Variants in SHB observed in about 807,000 individuals in gnomAD.
SHB encodes SH2 domain containing adaptor protein B.
In SHB, 20 loss-of-function variants were observed where a neutral mutation model predicts 52.3. The ratio of observed to expected loss-of-function variants is 0.38; its 90% confidence interval spans 0.27 to 0.56. SHB has a LOEUF of 0.56. Ranked by LOEUF, SHB falls within the 20% of genes least tolerant of loss-of-function variation. The pLI, the probability that SHB is intolerant of heterozygous loss-of-function variation, is 0.71. For missense variants in SHB, 825 were observed against 723.3 expected (o/e 1.14, Z -1.61); for synonymous variants, 397 against 316.5 (o/e 1.25, Z -2.70).
Position 37,917,666 on chromosome 9 carries a change from C to T in SHB, c.*2155G>A, listed in dbSNP as rs1279426869. Among the ~76,000 whole-genome samples, 1 of 152,248 alleles carries T rather than the reference C, an allele frequency of 6.6e-6. No homozygotes were observed. Among genetic ancestry groups the T allele is most frequent in the Non-Finnish European group, 1.5e-5 (1 of 68,042 alleles). On this transcript the variant is annotated 3_prime_UTR_variant, in exon 6 of 6. Coordinates refer to ENST00000377707, the MANE Select transcript of SHB (RefSeq NM_003028.3). The stretch of plus-strand genomic sequence containing the variant: ...AGTGCCAACTCCTCACTCATCTTGT[C>T]ATTTCCCACCTACCTTCCCACTCCC...
At chr9:37,955,416 C>T (rs1832617113) in intron 4 of SHB, among the ~76,000 whole-genome samples, 1 of 152,096 alleles carries the variant, frequency 6.6e-6, no homozygotes. Flanking sequence ...CATGTATACA[C>T]AGAGGGGGAG....
chr9:38,003,692 C>T (rs565192804), intron 2 of SHB, among the ~76,000 whole-genome samples: 7 of 152,342 alleles, frequency 4.6e-5, no homozygotes, highest in Non-Finnish European at 2.9e-5. Context: ...TCTTACATAG[C>T]TCTGACACTG....
intron 4 of SHB, among the ~76,000 whole-genome samples, chr9:37,953,021 C>A (rs1394097448): frequency 6.6e-6 from 1 of 151,880 alleles, no homozygotes; most frequent in Admixed American, 6.6e-5. Context: ...GGAGACTGAG[C>A]CCTGGAAAGT....
At position 38,015,088 on chromosome 9, in the gene SHB, A is replaced by C. The variant is rs187968424; in HGVS notation, c.838+923T>G. Among the ~76,000 whole-genome samples the C allele has an allele frequency of 1.5e-3, 233 of 152,244 alleles. 4 individuals carry two copies. Among genetic ancestry groups the C allele is most frequent in the Admixed American group, 0.014 (217 of 15,308 alleles). Reference sequence around the variant, plus strand: ...GCCTCCAAAGCCCAGGCAGCCCCAAACTTGCTCCCAGCCACTCTCCTGCAC... The same window carrying C: ...GCCTCCAAAGCCCAGGCAGCCCCAACCTTGCTCCCAGCCACTCTCCTGCAC... On this transcript the variant is annotated intron_variant, in intron 2 of 5. Transcript: ENST00000377707.
intron 5 of SHB, among the ~76,000 whole-genome samples, chr9:37,940,361 A>T (rs1416163533): frequency 6.6e-6 from 1 of 152,246 alleles, no homozygotes; most frequent in Non-Finnish European, 1.5e-5. Context: ...CCTGCAAGGC[A>T]TCTGCACATT....
chr9:37,949,972 C>T (rs7864677), intron 4 of SHB, among the ~76,000 whole-genome samples: 20,345 of 152,060 alleles, frequency 0.13, 1,428 homozygotes, highest in African/African-American at 0.19. Context: ...GGTCTCACCC[C>T]GTCACCCAGG....
intron 2 of SHB, among the ~76,000 whole-genome samples, chr9:37,994,690 T>C (rs917695226): frequency 6.6e-6 from 1 of 152,244 alleles, no homozygotes; most frequent in Non-Finnish European, 1.5e-5. Flanking sequence ...AGATGTTACA[T>C]ATGAGGAATA....
intron 5 of SHB, among the ~76,000 whole-genome samples, chr9:37,938,738 G>C (rs1167610257): frequency 6.6e-6 from 1 of 152,244 alleles, no homozygotes; most frequent in Non-Finnish European, 1.5e-5. Context: ...TCCATCCCTG[G>C]CTCAGACGGG....
chr9:37,994,321 C>T (rs918737826), intron 2 of SHB, among the ~76,000 whole-genome samples: 1 of 152,142 alleles, frequency 6.6e-6, no homozygotes, highest in South Asian at 2.1e-4. Context: ...TGAAGAGCAC[C>T]GTGCATATAA....
rs2118215461 is a variant in SHB at position 38,068,690 on chromosome 9, G to A, written c.-45C>T. 1.6e-6 allele frequency: 2 copies of A among 1,247,722 alleles called. No individual in the cohort carries two copies. Among genetic ancestry groups the A allele is most frequent in the African/African-American group, 1.6e-5 (1 of 63,352 alleles). The allele number at this position is 1,247,722 out of a possible 1,614,324, so 77.3% of individuals were successfully genotyped here. On this transcript the variant is annotated 5_prime_UTR_variant, in exon 1 of 6. Coordinates refer to ENST00000377707, the MANE Select transcript of SHB (RefSeq NM_003028.3). ...CCGCGGCGCGGGAGCCCGGTCCGCCGCCGCGGCCATTCGGGGGGCAGCGCT... is the reference window on the plus strand; with the variant it reads ...CCGCGGCGCGGGAGCCCGGTCCGCCACCGCGGCCATTCGGGGGGCAGCGCT...
In SHB at chr9:38,068,564, G is replaced by T; in HGVS notation, c.82C>A (p.Arg28Ser). The T allele has an allele frequency of 6.8e-7, 1 of 1,477,732 alleles. No individual in the cohort carries two copies. The highest frequency in any genetic ancestry group is 8.9e-7 in the Non-Finnish European group (1 of 1,125,880). The allele number at this position is 1,477,732 out of a possible 1,614,324, so 91.5% of individuals were successfully genotyped here. Residue 28 changes from arginine (R) to serine (S), a missense_variant, in exon 1 of 6, where the codon CGC (arginine) becomes AGC (serine). Transcript: ENST00000377707. ...SPPQPPRPDY[R>S]EQRRRGERPS... ...CGCTCGCCTCGGCGCCGCTGCTCGC[G>T]GTAGTCTGGCCGCGGCGGCTGCGGG...
At position 37,955,952 on chromosome 9, in the gene SHB, T is replaced by C; in HGVS notation, c.1157A>G (p.His386Arg). 1 of 1,612,860 alleles carries C rather than the reference T, an allele frequency of 6.2e-7. No homozygotes were observed. Among genetic ancestry groups the C allele is most frequent in the Non-Finnish European group, 8.5e-7 (1 of 1,179,678 alleles). ...GATCCCGCAGAACTCAGGGCTCCCA[T>C]GTTTGATAGGCTTAAAGCCCCCTCC... Reference protein sequence around the residue: ...APGGGFKPIKHGSPEFCGILG... With the variant: ...APGGGFKPIKRGSPEFCGILG... The change falls in exon 4 of 6, where the codon CAT (histidine) becomes CGT (arginine). Residue 386 changes from histidine (H) to arginine (R), a missense_variant. Physicochemically the swap from His to Arg is conservative, Grantham distance 29 (BLOSUM62 0). Coordinates refer to ENST00000377707, the MANE Select transcript of SHB (RefSeq NM_003028.3).
intron 1 of SHB, among the ~76,000 whole-genome samples, chr9:38,034,827 G>C (rs1455295641): frequency 6.6e-6 from 1 of 152,224 alleles, no homozygotes. Flanking sequence ...CTCCAGAGTA[G>C]CTGGGATTAC....
At chr9:37,946,977 G>C (rs1386900909) in intron 5 of SHB, among the ~76,000 whole-genome samples, 1 of 152,188 alleles carries the variant, frequency 6.6e-6, no homozygotes, top group African/African-American at 2.4e-5. Context: ...CATTCACCTT[G>C]ATGGCCCCAT....
chr9:38,067,363 G>C (rs1189003902), intron 1 of SHB, among the ~76,000 whole-genome samples: 3 of 152,152 alleles, frequency 2.0e-5, no homozygotes, highest in African/African-American at 7.2e-5. Context: ...GAGCAGCTCC[G>C]GTACCAGGCA....
At chr9:37,950,824 A>C (rs1250798576) in intron 4 of SHB, among the ~76,000 whole-genome samples, 1 of 152,254 alleles carries the variant, frequency 6.6e-6, no homozygotes, top group East Asian at 1.9e-4. Context: ...CAGCGTTAGC[A>C]GAAAGAGATT....
chr9:37,935,643 G>A (rs2118483309), intron 5 of SHB, among the ~76,000 whole-genome samples: 1 of 152,262 alleles, frequency 6.6e-6, no homozygotes, highest in Non-Finnish European at 1.5e-5. Context: ...ACGATCCTGA[G>A]ATGTAGGAAC....
chr9:38,040,587 G>A (rs1324118851), intron 1 of SHB, among the ~76,000 whole-genome samples: 1 of 152,198 alleles, frequency 6.6e-6, no homozygotes, highest in African/African-American at 2.4e-5. Flanking sequence ...AGACAGGCAG[G>A]TAGTGCTGGA....
At chr9:37,991,284 C>T (rs187167047) in intron 2 of SHB, among the ~76,000 whole-genome samples, 2 of 152,270 alleles carry the variant, frequency 1.3e-5, no homozygotes, top group South Asian at 2.1e-4. Context: ...GAATTTCCCA[C>T]CTCCGCTTCT....
Sources: allele counts gnomAD v4.1 joint callset (sites outside exome capture counted in the v4.1 genomes callset), GRCh38; gene constraint gnomAD v4.1.1; transcripts MANE v1.5; gene names NCBI Gene and HGNC (gene_info 2026-07-23, HGNC 2026-07-21).